Variants in RABGAP1L observed in about 807,000 individuals in gnomAD.
RABGAP1L encodes RAB GTPase activating protein 1 like.
RABGAP1L carries 63 observed loss-of-function variants against 137.7 expected under a neutral mutation model. That is an observed-to-expected ratio of 0.46 (90% CI 0.37 to 0.56). RABGAP1L has a LOEUF of 0.56. Ranked by LOEUF, RABGAP1L falls within the 20% of genes least tolerant of loss-of-function variation. The probability of loss-of-function intolerance (pLI) is 0.00; values close to 1 mark genes in which losing one functional copy is unlikely to be tolerated. For missense variants in RABGAP1L, 1,095 were observed against 1,244.0 expected, an observed-to-expected ratio of 0.88 and a Z score of 1.80; for synonymous variants, 431 against 433.7, an observed-to-expected ratio of 0.99 and a Z score of 0.08.
At chr1:174,422,883 GT>G (rs1651491284) in intron 13 of RABGAP1L, among the ~76,000 whole-genome samples, 2 of 148,542 alleles carry the variant, frequency 1.3e-5, no homozygotes, top group African/African-American at 2.5e-5. Context: ...GGAGGTGGAG[GT>G]TGCAGTGAGC....
intron 19 of RABGAP1L, among the ~76,000 whole-genome samples, chr1:174,829,445 C>T (rs925986082): frequency 2.0e-5 from 3 of 148,338 alleles, no homozygotes; most frequent in African/African-American, 7.4e-5. Flanking sequence ...CCATTCCAGA[C>T]CGTTAAGACT....
chr1:174,612,689 A>C (rs954599080), intron 13 of RABGAP1L, among the ~76,000 whole-genome samples: 2 of 151,542 alleles, frequency 1.3e-5, no homozygotes, highest in African/African-American at 2.4e-5. Flanking sequence ...CTGGTCCTGG[A>C]CTCTTTTTGA....
intron 13 of RABGAP1L, among the ~76,000 whole-genome samples, chr1:174,413,597 T>C (rs1031218090): frequency 1.3e-5 from 2 of 152,164 alleles, no homozygotes; most frequent in Non-Finnish European, 2.9e-5. Context: ...TTGTCATTAT[T>C]TTCTCGCAGG....
At position 174,633,602 on chromosome 1, in the gene RABGAP1L, C is replaced by G. The variant is rs1055744289; in HGVS notation, c.1711-3773C>G. 4.0e-5 allele frequency among the ~76,000 whole-genome samples: 5 copies of G among 126,302 alleles called. No individual in the cohort carries two copies. The East Asian group carries it at 9.9e-4, about 25-fold the overall frequency. The allele number at this position is 126,302 out of a possible 152,430, so 82.9% of individuals were successfully genotyped here. On this transcript the variant is annotated intron_variant, in intron 13 of 25. Coordinates refer to ENST00000681986, the MANE Select transcript of RABGAP1L (RefSeq NM_001366446.1). ...TCAATCCTAAGCCAAAAGAACAAAGCTGGAGGCAGCACACTACCTGACTTC... is the reference window on the plus strand; with the variant it reads ...TCAATCCTAAGCCAAAAGAACAAAGGTGGAGGCAGCACACTACCTGACTTC...
chr1:174,254,460 C>A (rs1410835779), intron 7 of RABGAP1L, among the ~76,000 whole-genome samples: 2 of 152,040 alleles, frequency 1.3e-5, no homozygotes, highest in African/African-American at 4.8e-5. Context: ...CATGCATTAC[C>A]TATTTGTCCT....
chr1:174,568,162 G>A (rs1483778246), intron 13 of RABGAP1L, among the ~76,000 whole-genome samples: 1 of 152,100 alleles, frequency 6.6e-6, no homozygotes, highest in Non-Finnish European at 1.5e-5. Flanking sequence ...CATGATGAAA[G>A]AGAGCAAGCA....
At chr1:174,185,930 G>T (rs936143921) in intron 1 of RABGAP1L, among the ~76,000 whole-genome samples, 2 of 152,148 alleles carry the variant, frequency 1.3e-5, no homozygotes, top group African/African-American at 4.8e-5. Flanking sequence ...GATCACCTAA[G>T]GTCGGGAGTT....
intron 11 of RABGAP1L, among the ~76,000 whole-genome samples, chr1:174,335,747 C>G (rs1314532019): frequency 6.6e-6 from 1 of 152,166 alleles, no homozygotes; most frequent in African/African-American, 2.4e-5. Flanking sequence ...GAACAAATGT[C>G]TAATACATTG....
intron 11 of RABGAP1L, among the ~76,000 whole-genome samples, chr1:174,340,766 A>G (rs536459333): frequency 4.1e-4 from 63 of 152,286 alleles, no homozygotes; most frequent in Non-Finnish European, 1.5e-4. Flanking sequence ...AGAATGATTT[A>G]TATTCTTTTG....
intron 14 of RABGAP1L, among the ~76,000 whole-genome samples, chr1:174,650,318 G>A (rs929719345): frequency 5.9e-5 from 9 of 152,034 alleles, no homozygotes; most frequent in African/African-American, 2.2e-4. Flanking sequence ...GTCTCTGCCC[G>A]GCTTTGGTAT....
chr1:174,875,703 G>A (rs953301384), intron 19 of RABGAP1L: 158 of 984,994 alleles, frequency 1.6e-4, no homozygotes, highest in Admixed American at 9.8e-4. Flanking sequence ...AAAAGATAAG[G>A]AGTTTAAAAG....
intron 13 of RABGAP1L, among the ~76,000 whole-genome samples, chr1:174,459,779 C>A (rs1261794730): frequency 6.6e-6 from 1 of 151,996 alleles, no homozygotes; most frequent in Admixed American, 6.6e-5. Flanking sequence ...TGCTTTTATG[C>A]TTTCAGTACT....
chr1:174,490,437 G>C (rs1056327093), intron 13 of RABGAP1L, among the ~76,000 whole-genome samples: 6 of 152,176 alleles, frequency 3.9e-5, no homozygotes, highest in African/African-American at 1.2e-4. Context: ...AACCAACAGA[G>C]TTCTCTCTAT....
intron 19 of RABGAP1L, among the ~76,000 whole-genome samples, chr1:174,834,597 A>G (rs1414371943): frequency 6.9e-6 from 1 of 145,134 alleles, no homozygotes; most frequent in Non-Finnish European, 1.5e-5. Flanking sequence ...GAAAAAGCCC[A>G]TCCCCGCCCC....
intron 13 of RABGAP1L, among the ~76,000 whole-genome samples, chr1:174,408,354 A>G (rs1314976877): frequency 6.6e-6 from 1 of 152,084 alleles, no homozygotes; most frequent in East Asian, 1.9e-4. Flanking sequence ...GGTTAGGATA[A>G]TGGCCTCCAG....
chr1:174,193,833 G>A (rs528591577), intron 1 of RABGAP1L, among the ~76,000 whole-genome samples: 6 of 152,268 alleles, frequency 3.9e-5, no homozygotes, highest in African/African-American at 1.2e-4. Context: ...TATTTAAGGT[G>A]TAAAACATGA....
chr1:174,876,951 T>G (rs1653214787), intron 19 of RABGAP1L, among the ~76,000 whole-genome samples: 1 of 152,108 alleles, frequency 6.6e-6, no homozygotes, highest in Non-Finnish European at 1.5e-5. Flanking sequence ...TTCTGAGAAA[T>G]TAAAATGGTT....
At chr1:174,390,509 TAC>T (rs953655330) in intron 12 of RABGAP1L, among the ~76,000 whole-genome samples, 4 of 152,204 alleles carry the variant, frequency 2.6e-5, no homozygotes, top group Admixed American at 6.5e-5. Flanking sequence ...TATAAAATAT[TAC>T]AGTTAAATCA....
At position 174,216,731 on chromosome 1, in the gene RABGAP1L, A is replaced by G. The variant is rs114666214; in HGVS notation, c.-33-2394A>G. Among the ~76,000 whole-genome samples the G allele has an allele frequency of 2.0e-3, 312 of 152,224 alleles. 1 individual carries two copies. Among genetic ancestry groups the G allele is most frequent in the Middle Eastern group, 3.4e-3 (1 of 294 alleles). On this transcript the variant is annotated intron_variant, in intron 1 of 25. Transcript: ENST00000681986. Reference sequence around the variant, plus strand: ...TTTCTTTCAAGCCAGATATGCTGGCAATGATTTTTCTTGGTTTTTGCTTGT... The same window carrying G: ...TTTCTTTCAAGCCAGATATGCTGGCGATGATTTTTCTTGGTTTTTGCTTGT...
Sources: allele counts gnomAD v4.1 joint callset (sites outside exome capture counted in the v4.1 genomes callset), GRCh38; gene constraint gnomAD v4.1.1; transcripts MANE v1.5; gene names NCBI Gene and HGNC (gene_info 2026-07-23, HGNC 2026-07-21).